Variants in PARP11 observed in about 807,000 individuals in gnomAD.
The protein encoded by PARP11 is protein mono-ADP-ribosyltransferase PARP11.
Under a neutral mutation model 42.9 loss-of-function variants are expected in PARP11, and 31 were observed. That is an observed-to-expected ratio of 0.72 (90% CI 0.54 to 0.98). The LOEUF is 0.98. PARP11 is among the 50% of genes least tolerant of loss of function. The pLI, the probability that PARP11 is intolerant of heterozygous loss-of-function variation, is 0.00. For synonymous variants in PARP11, 137 were observed against 127.3 expected (o/e 1.08, Z -0.51); for missense variants, 365 against 413.1 (o/e 0.88, Z 1.01).
chr12:3,844,508 G>C (rs996062749), intron 1 of PARP11, among the ~76,000 whole-genome samples: 5 of 152,160 alleles, frequency 3.3e-5, no homozygotes, highest in African/African-American at 1.2e-4. Context: ...AGTTCAATGT[G>C]TTTGATCTCA....
At chr12:3,833,039 CA>C (rs1947678468) in intron 1 of PARP11, among the ~76,000 whole-genome samples, 1 of 152,144 alleles carries the variant, frequency 6.6e-6, no homozygotes, top group African/African-American at 2.4e-5. Flanking sequence ...AGTTTAAAGT[CA>C]AAATCCTGGT....
intron 4 of PARP11, chr12:3,824,540 T>C (rs1190352057): frequency 2.2e-5 from 10 of 454,876 alleles, no homozygotes; most frequent in Non-Finnish European, 2.9e-5. Context: ...AATATTTCTA[T>C]ATCAGCACCT....
chr12:3,861,093 G>C lies in PARP11; in HGVS notation c.18+12119C>G, dbSNP rs1480045230. 2.0e-5 allele frequency among the ~76,000 whole-genome samples: 3 copies of C among 152,212 alleles called. No homozygotes were observed. The highest frequency in any genetic ancestry group is 4.4e-5 in the Non-Finnish European group (3 of 68,044). ...CTGCATCTGATTTAGATAATATTTA[G>C]ATGAGATGTTGGACTTTAAAGTTGA... is the stretch of plus-strand genomic sequence containing the variant. On this transcript the variant is annotated intron_variant, in intron 1 of 7. Coordinates refer to ENST00000228820, the MANE Select transcript of PARP11 (RefSeq NM_020367.6). The surrounding 1 kb of genome is among the most constrained non-coding windows in gnomAD (Gnocchi z 4.6).
chr12:3,817,826 A>C (rs954057386), intron 6 of PARP11, among the ~76,000 whole-genome samples: 3 of 152,204 alleles, frequency 2.0e-5, no homozygotes, highest in African/African-American at 7.2e-5. Context: ...GCTGAACATC[A>C]GAGCCACTTA....
intron 1 of PARP11, among the ~76,000 whole-genome samples, chr12:3,868,457 A>G (rs1419492308): frequency 1.3e-5 from 2 of 152,120 alleles, no homozygotes; most frequent in African/African-American, 4.8e-5. Context: ...ACCTATAGAC[A>G]CTGAGGCTCA....
intron 1 of PARP11, among the ~76,000 whole-genome samples, chr12:3,862,609 A>G (rs575385401): frequency 3.6e-4 from 54 of 149,558 alleles, no homozygotes; most frequent in Non-Finnish European, 7.3e-4. Context: ...TATACTATAT[A>G]TATAATTTTT....
At chr12:3,830,476 CA>C (rs1300529676) in intron 1 of PARP11, among the ~76,000 whole-genome samples, 2 of 151,834 alleles carry the variant, frequency 1.3e-5, no homozygotes, top group Non-Finnish European at 2.9e-5. Flanking sequence ...TAAAAGATTA[CA>C]AAAAAATAGA....
intron 7 of PARP11, 77 bp downstream of exon 7, chr12:3,813,960 T>C: frequency 9.0e-7 from 1 of 1,108,680 alleles, no homozygotes; most frequent in Non-Finnish European, 1.3e-6. Flanking sequence ...AAGCAGTTCA[T>C]ATTTATATTT....
chr12:3,830,676 C>T (rs993710899), intron 1 of PARP11, among the ~76,000 whole-genome samples: 1 of 152,062 alleles, frequency 6.6e-6, no homozygotes, highest in African/African-American at 2.4e-5. Context: ...TTACTTACTA[C>T]GTGCCAGCTA....
chr12:3,843,436 CA>C (rs2138077812), intron 1 of PARP11, among the ~76,000 whole-genome samples: 1 of 152,302 alleles, frequency 6.6e-6, no homozygotes, highest in East Asian at 1.9e-4. Context: ...TTTAGCTTGA[CA>C]GGTTTCTAGA....
intron 7 of PARP11, 100 bp downstream of exon 7, chr12:3,813,937 T>C (rs1051757618): frequency 1.3e-5 from 10 of 769,216 alleles, no homozygotes; most frequent in Admixed American, 5.5e-5. Context: ...TCATTCTCTA[T>C]ATATTTGCCA....
At chr12:3,866,367 A>T (rs1006950386) in intron 1 of PARP11, among the ~76,000 whole-genome samples, 3 of 152,146 alleles carry the variant, frequency 2.0e-5, no homozygotes, top group African/African-American at 4.8e-5. Context: ...CTCATGGCTC[A>T]GTCCTAGCCC....
At chr12:3,817,046 C>A (rs1391345464) in intron 6 of PARP11, among the ~76,000 whole-genome samples, 1 of 152,042 alleles carries the variant, frequency 6.6e-6, no homozygotes, top group Non-Finnish European at 1.5e-5. Flanking sequence ...AAAAAATTAG[C>A]CAGGCGTGGT....
At chr12:3,824,650 C>T (rs1324918303) in intron 4 of PARP11, 1 of 983,764 alleles carries the variant, frequency 1.0e-6, no homozygotes, top group Non-Finnish European at 1.2e-6. Flanking sequence ...TCTCCTTGTG[C>T]TGTCTTTGTT....
chr12:3,863,700 A>T (rs1192980842), intron 1 of PARP11: 1 of 152,208 alleles, frequency 6.6e-6, no homozygotes, highest in Non-Finnish European at 1.5e-5. Context: ...GTCACATGGG[A>T]CACACTTCAT....
chr12:3,812,516 G>A (rs1947202351), intron 7 of PARP11, 77 bp from the exon 8 acceptor site: 4 of 944,060 alleles, frequency 4.2e-6, no homozygotes, highest in Non-Finnish European at 6.4e-6. Context: ...ATTTTGTCAG[G>A]AGAATAGATG....
At chr12:3,869,574 C>T (rs1249299204) in intron 1 of PARP11, among the ~76,000 whole-genome samples, 1 of 152,176 alleles carries the variant, frequency 6.6e-6, no homozygotes, top group East Asian at 1.9e-4. Context: ...ACTATCTCTG[C>T]TGTCTGAACA....
intron 4 of PARP11, among the ~76,000 whole-genome samples, chr12:3,825,250 T>C (rs1053570762): frequency 3.3e-5 from 5 of 152,218 alleles, no homozygotes; most frequent in African/African-American, 1.2e-4. Context: ...ATAATAAATA[T>C]GTATTGTCTT....
intron 1 of PARP11, among the ~76,000 whole-genome samples, chr12:3,853,159 C>A (rs547769841): frequency 1.1e-4 from 16 of 152,190 alleles, no homozygotes; most frequent in South Asian, 8.3e-4. Context: ...AGGAACAACC[C>A]GTACCAGCCA....
Sources: allele counts gnomAD v4.1 joint callset (sites outside exome capture counted in the v4.1 genomes callset), GRCh38; gene constraint gnomAD v4.1.1; non-coding constraint Gnocchi (gnomAD v3.1); transcripts MANE v1.5; gene names NCBI Gene and HGNC (gene_info 2026-07-23, HGNC 2026-07-21).